The following ADARB2 variants were observed in gnomAD, a reference collection of about 807,000 sequenced individuals.
ADARB2 encodes the protein inactive double-stranded RNA-specific editase B2.
Under a neutral mutation model 62.2 loss-of-function variants are expected in ADARB2, and 25 were observed. The ratio of observed to expected loss-of-function variants is 0.40; its 90% confidence interval spans 0.29 to 0.56. The LOEUF (loss-of-function observed/expected upper bound fraction) is 0.56, where lower values mean the gene tolerates loss of function less well. ADARB2 is among the 20% of genes least tolerant of loss of function. The pLI is 0.43. For missense variants in ADARB2, 1,071 were observed against 1,077.4 expected, an observed-to-expected ratio of 0.99 and a Z score of 0.08; for synonymous variants, 572 against 500.8, an observed-to-expected ratio of 1.14 and a Z score of -1.90.
chr10:1,490,020 A>G (rs547065873), intron 1 of ADARB2, among the ~76,000 whole-genome samples: 4 of 152,318 alleles, frequency 2.6e-5, no homozygotes, highest in African/African-American at 4.8e-5. Context: ...CTGACTGACA[A>G]TTTTGTGATA....
intron 4 of ADARB2, among the ~76,000 whole-genome samples, chr10:1,251,714 T>A (rs1322182722): frequency 6.6e-6 from 1 of 152,194 alleles, no homozygotes; most frequent in Non-Finnish European, 1.5e-5. Context: ...TGTGGTGGTA[T>A]TAAAAGGTGG....
chr10:1,359,300 C>A (rs1832226996), intron 3 of ADARB2, among the ~76,000 whole-genome samples: 1 of 152,100 alleles, frequency 6.6e-6, no homozygotes, highest in African/African-American at 2.4e-5. Context: ...TACTGTAAAC[C>A]CTACATGTTT....
At chr10:1,622,659 A>C (rs1174750174) in intron 1 of ADARB2, among the ~76,000 whole-genome samples, 4 of 152,230 alleles carry the variant, frequency 2.6e-5, no homozygotes, top group African/African-American at 9.6e-5. Context: ...AGCTCTAATT[A>C]AAAAGACAGA....
chr10:1,602,915 G>A (rs879680259), intron 1 of ADARB2, among the ~76,000 whole-genome samples: 6 of 151,166 alleles, frequency 4.0e-5, no homozygotes, highest in Non-Finnish European at 5.9e-5. Context: ...ACACACACCT[G>A]TATATACATA....
intron 1 of ADARB2, among the ~76,000 whole-genome samples, chr10:1,596,805 C>A (rs539632683): frequency 4.2e-4 from 64 of 152,286 alleles, no homozygotes; most frequent in Non-Finnish European, 6.2e-4. Flanking sequence ...GACGAAGTGG[C>A]AAAGCAAGGG....
In ADARB2 at chr10:1,557,008, TTTC is replaced by T. The variant is rs368696168; in HGVS notation, c.101-177851_101-177849del. 2.3e-3 allele frequency: 874 copies of T among 378,430 alleles called. 11 individuals are homozygous for T. The highest frequency in any genetic ancestry group is 0.017 in the South Asian group (845 of 49,118). The allele number at this position is 378,430 out of a possible 1,614,324, so 23.4% of individuals were successfully genotyped here. A position where few individuals can be genotyped will look rare whatever the true frequency, so the allele number is the denominator to read the frequency against. ...CAGGAATCTTGTCCTGCATCTCACT[TTTC>T]TTCTTGAGTCCTGTGGTCATCACCA... On this transcript the variant is annotated intron_variant, in intron 1 of 9. Coordinates refer to ENST00000381312, the MANE Select transcript of ADARB2 (RefSeq NM_018702.4).
At chr10:1,533,813 C>T (rs1832281995) in intron 1 of ADARB2, among the ~76,000 whole-genome samples, 1 of 152,168 alleles carries the variant, frequency 6.6e-6, no homozygotes, top group African/African-American at 2.4e-5. Context: ...AAGAGAAGCA[C>T]CCACCCTCCC....
intron 3 of ADARB2, among the ~76,000 whole-genome samples, chr10:1,345,972 G>A (rs1832077108): frequency 6.6e-6 from 1 of 152,156 alleles, no homozygotes; most frequent in South Asian, 2.1e-4. Flanking sequence ...CCGTGGTTAA[G>A]GCAAAAGAGA....
intron 3 of ADARB2, among the ~76,000 whole-genome samples, chr10:1,336,550 G>A (rs979404022): frequency 1.3e-5 from 2 of 152,166 alleles, no homozygotes; most frequent in Non-Finnish European, 2.9e-5. Flanking sequence ...ATAGCCATGG[G>A]AGGAAAATGA....
chr10:1,440,953 T>C (rs1474956372), intron 1 of ADARB2, among the ~76,000 whole-genome samples: 1 of 152,260 alleles, frequency 6.6e-6, no homozygotes, highest in Non-Finnish European at 1.5e-5. Flanking sequence ...CCTAGAGGAA[T>C]GAATAGCTAG....
At chr10:1,382,824 G>C (rs145448025) in intron 1 of ADARB2, among the ~76,000 whole-genome samples, 1 of 151,980 alleles carries the variant, frequency 6.6e-6, no homozygotes, top group East Asian at 1.9e-4. Context: ...TAGAAGAGGC[G>C]GCTGGGCTGG....
chr10:1,442,032 A>G (rs908870542), intron 1 of ADARB2, among the ~76,000 whole-genome samples: 3 of 152,248 alleles, frequency 2.0e-5, no homozygotes, highest in Admixed American at 6.5e-5. Flanking sequence ...GCATGATAAA[A>G]CATCCTTGAA....
intron 1 of ADARB2, among the ~76,000 whole-genome samples, chr10:1,611,495 TC>T (rs941332954): frequency 7.9e-5 from 12 of 152,156 alleles, no homozygotes; most frequent in Admixed American, 5.9e-4. Context: ...TCGCTGGAGC[TC>T]CCCATTCCCC....
At chr10:1,231,650 C>T (rs1398258149) in intron 6 of ADARB2, among the ~76,000 whole-genome samples, 1 of 152,182 alleles carries the variant, frequency 6.6e-6, no homozygotes, top group African/African-American at 2.4e-5. Flanking sequence ...GCTTCCTTTT[C>T]TTCATTCCCA....
chr10:1,476,993 G>A (rs1831409892), intron 1 of ADARB2, among the ~76,000 whole-genome samples: 3 of 151,932 alleles, frequency 2.0e-5, no homozygotes, highest in Non-Finnish European at 4.4e-5. Context: ...CACGGGTTCC[G>A]GATGCTGACC....
intron 1 of ADARB2, among the ~76,000 whole-genome samples, chr10:1,606,371 C>T (rs1235241441): frequency 6.6e-6 from 1 of 152,174 alleles, no homozygotes; most frequent in Non-Finnish European, 1.5e-5. Flanking sequence ...ACCCTGGACA[C>T]ACCTGGTGAG....
chr10:1,534,020 CTT>C (rs956938800), intron 1 of ADARB2, among the ~76,000 whole-genome samples: 11 of 139,368 alleles, frequency 7.9e-5, no homozygotes, highest in Non-Finnish European at 1.5e-4. Context: ...GTTTTGATGA[CTT>C]TGATGGGGGA....
intron 1 of ADARB2, among the ~76,000 whole-genome samples, chr10:1,661,992 C>T (rs1431067228): frequency 1.3e-5 from 2 of 152,164 alleles, no homozygotes; most frequent in African/African-American, 4.8e-5. Context: ...GATGAACCTG[C>T]ACTGCAGCTG....
At chr10:1,221,859 A>G (rs1364587769) in intron 6 of ADARB2, among the ~76,000 whole-genome samples, 1 of 152,116 alleles carries the variant, frequency 6.6e-6, no homozygotes, top group Non-Finnish European at 1.5e-5. Context: ...TGCTATTGTG[A>G]ACAGTGCCAC....
Sources: gnomAD v4.1 joint callset for allele counts (sites outside exome capture counted in the v4.1 genomes callset) on GRCh38, gnomAD v4.1.1 for gene constraint, MANE v1.5 for transcripts, NCBI Gene and HGNC (gene_info 2026-07-23, HGNC 2026-07-21) for gene names.